The following MYO3B variants were observed in gnomAD, a reference collection of about 807,000 sequenced individuals.
MYO3B encodes myosin-IIIb.
A neutral mutation model predicts 174.6 loss-of-function variants in MYO3B; 156 were observed. The ratio of observed to expected loss-of-function variants is 0.89; its 90% confidence interval spans 0.78 to 1.02. The LOEUF is 1.02. MYO3B is among the 50% of genes least tolerant of loss of function. The pLI, the probability that MYO3B is intolerant of heterozygous loss-of-function variation, is 0.00. For missense variants in MYO3B, 1,632 were observed against 1,639.4 expected, an observed-to-expected ratio of 1.00 and a Z score of 0.08; for synonymous variants, 563 against 569.1, an observed-to-expected ratio of 0.99 and a Z score of 0.15.
In MYO3B at chr2:170,382,091, C is replaced by T; in HGVS notation, c.1047C>T (p.Val349=). The change falls in exon 10 of 35, where the codon GTC becomes GTT. Residue 349 remains valine, a synonymous_variant. Coordinates refer to ENST00000408978, the MANE Select transcript of MYO3B (RefSeq NM_138995.5). ...AATACTGCCTTGAGGATGATTTGGT[C>T]AACCTAGAGGTTCTGGATGAGGTAC... ...AEKYCLEDDL[V]NLEVLDEDTI... 1.2e-6 allele frequency: 2 copies of T among 1,613,334 alleles called. No individual in the cohort carries two copies. Among genetic ancestry groups the T allele is most frequent in the Non-Finnish European group, 1.7e-6 (2 of 1,179,518 alleles).
intron 22 of MYO3B, among the ~76,000 whole-genome samples, chr2:170,423,585 C>CTTTTT (rs34209442): frequency 1.8e-4 from 22 of 124,288 alleles, no homozygotes; most frequent in South Asian, 5.3e-4. Flanking sequence ...TCAGCAAAAG[C>CTTTTT]TTTTTTTTTT....
chr2:170,256,483 A>T (rs1047060539), intron 7 of MYO3B, among the ~76,000 whole-genome samples: 8 of 152,158 alleles, frequency 5.3e-5, no homozygotes, highest in Admixed American at 3.9e-4. Context: ...GCATATTTTC[A>T]CCATTTTTCA....
chr2:170,356,322 C>A lies in MYO3B; in HGVS notation c.816-12900C>A, dbSNP rs922564993. On this transcript the variant is annotated intron_variant, in intron 8 of 34. Coordinates refer to ENST00000408978, the MANE Select transcript of MYO3B (RefSeq NM_138995.5). Reference sequence around the variant, plus strand: ...AACAGCCCTATTAAACCCATAGCTGCATTTACTAGAGAGTGATAATATTCA... The same window carrying A: ...AACAGCCCTATTAAACCCATAGCTGAATTTACTAGAGAGTGATAATATTCA... 3.9e-5 allele frequency among the ~76,000 whole-genome samples: 6 copies of A among 151,900 alleles called. No individual in the cohort carries two copies. In the South Asian group the frequency reaches 1.3e-3, roughly 32 times the overall value.
In MYO3B at chr2:170,362,354, C is replaced by T. The variant is rs183353662; in HGVS notation, c.816-6868C>T. 8.0e-4 allele frequency among the ~76,000 whole-genome samples: 122 copies of T among 152,288 alleles called. 1 individual carries two copies. The highest frequency in any genetic ancestry group is 1.4e-3 in the Non-Finnish European group (95 of 68,014). On this transcript the variant is annotated intron_variant, in intron 8 of 34. Transcript: ENST00000408978. ...CATTTCCGTCCTACCTTCACTTGAG[C>T]TTACTGTGGACCTTTGGTGCTGACA...
chr2:170,266,955 C>T (rs1284184950), intron 7 of MYO3B, among the ~76,000 whole-genome samples: 1 of 152,154 alleles, frequency 6.6e-6, no homozygotes, highest in Non-Finnish European at 1.5e-5. Context: ...AATTAGAATA[C>T]ATAAATAAGC....
intron 6 of MYO3B, among the ~76,000 whole-genome samples, chr2:170,223,044 A>G (rs2092917598): frequency 6.6e-6 from 1 of 152,150 alleles, no homozygotes; most frequent in African/African-American, 2.4e-5. Flanking sequence ...TTCTGAAGGT[A>G]CAAAGCATAC....
chr2:170,633,598 A>G (rs2105397839), intron 32 of MYO3B, among the ~76,000 whole-genome samples: 1 of 152,304 alleles, frequency 6.6e-6, no homozygotes, highest in South Asian at 2.1e-4. Context: ...CCTATCCAAC[A>G]TAGTGTTGGA....
At chr2:170,633,240 A>G (rs1429819280) in intron 32 of MYO3B, among the ~76,000 whole-genome samples, 4 of 152,172 alleles carry the variant, frequency 2.6e-5, no homozygotes, top group Non-Finnish European at 5.9e-5. Flanking sequence ...CTGGCAAACC[A>G]AATCCAGCAG....
chr2:170,259,405 G>A (rs1333726240), intron 7 of MYO3B, among the ~76,000 whole-genome samples: 1 of 151,822 alleles, frequency 6.6e-6, no homozygotes, highest in Admixed American at 6.6e-5. Context: ...CAGAAATAAA[G>A]CCACTATAAC....
intron 8 of MYO3B, among the ~76,000 whole-genome samples, chr2:170,366,774 A>G (rs2094201686): frequency 6.6e-6 from 1 of 152,180 alleles, no homozygotes; most frequent in African/African-American, 2.4e-5. Context: ...AACATATCAA[A>G]TGATCTTGCG....
At chr2:170,255,161 A>G (rs1295006174) in intron 7 of MYO3B, among the ~76,000 whole-genome samples, 1 of 152,204 alleles carries the variant, frequency 6.6e-6, no homozygotes, top group Non-Finnish European at 1.5e-5. Context: ...ACCTCAGAGA[A>G]TGAGTGGGTC....
Position 170,612,368 on chromosome 2 carries a change from C to G in MYO3B, c.3734-39260C>G, listed in dbSNP as rs114270909. Among the ~76,000 whole-genome samples the G allele has an allele frequency of 5.6e-3, 859 of 152,340 alleles. 7 individuals are homozygous for G. Among genetic ancestry groups the G allele is most frequent in the African/African-American group, 0.02 (830 of 41,568 alleles). ...GGGCCTTATGGACAGCAGGGCTAGTCATTGTGCCCTGACCTATGATTCCTT... is the reference window on the plus strand; with the variant it reads ...GGGCCTTATGGACAGCAGGGCTAGTGATTGTGCCCTGACCTATGATTCCTT... On this transcript the variant is annotated intron_variant, in intron 32 of 34. Coordinates refer to ENST00000408978, the MANE Select transcript of MYO3B (RefSeq NM_138995.5).
intron 24 of MYO3B, among the ~76,000 whole-genome samples, chr2:170,465,197 A>G (rs964601697): frequency 6.6e-6 from 1 of 152,098 alleles, no homozygotes; most frequent in African/African-American, 2.4e-5. Flanking sequence ...TATAAAGAAA[A>G]GAGGTTTATT....
chr2:170,541,871 G>T (rs1019723012), intron 30 of MYO3B, among the ~76,000 whole-genome samples: 2 of 151,988 alleles, frequency 1.3e-5, no homozygotes, highest in Non-Finnish European at 2.9e-5. Flanking sequence ...CCTCCTTCCA[G>T]GTACTGATGT....
At chr2:170,314,407 A>G (rs2093760165) in intron 7 of MYO3B, among the ~76,000 whole-genome samples, 1 of 152,172 alleles carries the variant, frequency 6.6e-6, no homozygotes, top group African/African-American at 2.4e-5. Flanking sequence ...ACCCCTGCCT[A>G]GTAACATCTC....
intron 32 of MYO3B, among the ~76,000 whole-genome samples, chr2:170,557,165 A>T (rs1228805824): frequency 7.5e-6 from 1 of 133,324 alleles, no homozygotes. Context: ...TTTGAGACGG[A>T]GTCTCGCTCT....
chr2:170,520,430 A>T (rs1338887385), intron 30 of MYO3B, among the ~76,000 whole-genome samples: 1 of 151,346 alleles, frequency 6.6e-6, no homozygotes, highest in Non-Finnish European at 1.5e-5. Context: ...TCCATATTAA[A>T]ATATGTATAT....
At position 170,485,386 on chromosome 2, in the gene MYO3B, A is replaced by AACACACACAC. The variant is rs370436580; in HGVS notation, c.3015-13180_3015-13171dup. On this transcript the variant is annotated intron_variant, in intron 25 of 34. Coordinates refer to ENST00000408978, the MANE Select transcript of MYO3B (RefSeq NM_138995.5). ...AGCTTTAGTAGTTTTATCCTTTCAGAACACACACACACACACACACACACA... is the reference window on the plus strand; with the variant it reads ...AGCTTTAGTAGTTTTATCCTTTCAGAACACACACACACACACACACACACACACACACACA... Among the ~76,000 whole-genome samples the AACACACACAC allele has an allele frequency of 8.6e-3, 1,180 of 136,670 alleles. 18 individuals are homozygous for AACACACACAC. The highest frequency in any genetic ancestry group is 0.032 in the African/African-American group (1,092 of 34,268). The allele number at this position is 136,670 out of a possible 152,430, so 89.7% of individuals were successfully genotyped here.
intron 32 of MYO3B, among the ~76,000 whole-genome samples, chr2:170,583,267 G>A (rs1693270654): frequency 6.6e-6 from 1 of 152,000 alleles, no homozygotes; most frequent in Admixed American, 6.6e-5. Context: ...AAGTGCTCAG[G>A]GAGAGATCTC....
Sources: gnomAD v4.1 joint callset for allele counts (sites outside exome capture counted in the v4.1 genomes callset) on GRCh38, gnomAD v4.1.1 for gene constraint, MANE v1.5 for transcripts, NCBI Gene and HGNC (gene_info 2026-07-23, HGNC 2026-07-21) for gene names.